PCDHGA7: variants seen among roughly 807,000 people sequenced by gnomAD.
The protein encoded by PCDHGA7 is protocadherin gamma-A7.
PCDHGA7 carries 44 observed loss-of-function variants against 58.3 expected under a neutral mutation model. The ratio of observed to expected loss-of-function variants is 0.75; its 90% CI spans 0.59 to 0.97. The LOEUF is 0.97. PCDHGA7 is among the 50% of genes least tolerant of loss of function. PCDHGA7 has a pLI of 0.00. For synonymous variants in PCDHGA7, 516 were observed against 504.2 expected, an observed-to-expected ratio of 1.02 and a Z score of -0.31; for missense variants, 1,266 against 1,188.7, an observed-to-expected ratio of 1.06 and a Z score of -0.96.
At chr5:141,390,867 CGT>C (rs61319619) in intron 1 of PCDHGA7, 8,912 of 150,888 alleles carry the variant, frequency 0.059, 387 homozygotes, top group African/African-American at 0.12. Context: ...GCTGTGTGTG[CGT>C]GTGTGTGTGT....
rs756706355 is a variant in PCDHGA7 at position 141,486,950 on chromosome 5, G to C, written c.2425-7857G>C. 6.2e-7 allele frequency: 1 copy of C among 1,614,202 alleles called. No homozygotes were observed. Among genetic ancestry groups the C allele is most frequent in the East Asian group, 2.2e-5 (1 of 44,876 alleles). On this transcript the variant is annotated intron_variant, in intron 1 of 3. Coordinates refer to ENST00000518325, the MANE Select transcript of PCDHGA7 (RefSeq NM_018920.4). The surrounding 1 kb of genome is among the most constrained non-coding windows in gnomAD (Gnocchi z 5.0). ...TGGTGCTGGCCACCTAATCACAAAG[G>C]TGACTGCTGTGGACTTGGATTCAGG...
At chr5:141,445,188 GTATTCTA>G (rs1223900471) in intron 1 of PCDHGA7, among the ~76,000 whole-genome samples, 1 of 152,080 alleles carries the variant, frequency 6.6e-6, no homozygotes, top group Non-Finnish European at 1.5e-5. Context: ...ATGTTTTTAT[GTATTCTA>G]TATGCTTTTG....
At chr5:141,500,086 A>G (rs1456179271) in intron 2 of PCDHGA7, among the ~76,000 whole-genome samples, 1 of 151,682 alleles carries the variant, frequency 6.6e-6, no homozygotes, top group Non-Finnish European at 1.5e-5. Flanking sequence ...TCCATCTTCC[A>G]TTTTTGCAAT....
rs180741728 is a variant in PCDHGA7 at position 141,505,088 on chromosome 5, G to A, written c.2484-305G>A. Among the ~76,000 whole-genome samples the A allele has an allele frequency of 3.7e-3, 563 of 152,300 alleles. 5 individuals carry two copies. Among genetic ancestry groups the A allele is most frequent in the Admixed American group, 0.011 (163 of 15,294 alleles). On this transcript the variant is annotated intron_variant, in intron 2 of 3. Coordinates refer to ENST00000518325, the MANE Select transcript of PCDHGA7 (RefSeq NM_018920.4). ...GAGGCAGGAGAATCGCTTGAACCCA[G>A]GAGGTGGATGTTGCAATGAGCCAAG...
chr5:141,422,785 T>C, intron 1 of PCDHGA7: 1 of 1,614,146 alleles, frequency 6.2e-7, no homozygotes, highest in Non-Finnish European at 8.5e-7. Flanking sequence ...TGCCCTACAA[T>C]CCTTCGACTA....
chr5:141,497,649 C>T (rs973501351), intron 2 of PCDHGA7, among the ~76,000 whole-genome samples: 1 of 151,784 alleles, frequency 6.6e-6, no homozygotes, highest in Non-Finnish European at 1.5e-5. Context: ...AAGCGATTCT[C>T]CTGCCTCAGC....
chr5:141,418,064 A>T, intron 1 of PCDHGA7: 1 of 1,614,006 alleles, frequency 6.2e-7, no homozygotes, highest in Non-Finnish European at 8.5e-7. Flanking sequence ...GCTGCGAGTG[A>T]GCGCGGAGAA....
chr5:141,405,037 G>C (rs756524085), intron 1 of PCDHGA7: 5 of 1,613,856 alleles, frequency 3.1e-6, no homozygotes, highest in Non-Finnish European at 4.2e-6. Flanking sequence ...ACCTCGTTGT[G>C]GCTGTGGCAG....
rs1414210927 is a variant in PCDHGA7, at chr5:141,477,460, C to G, written c.2425-17347C>G. 1.9e-6 allele frequency: 3 copies of G among 1,614,014 alleles called. No homozygotes were observed. The highest frequency in any genetic ancestry group is 2.5e-6 in the Non-Finnish European group (3 of 1,180,028). On this transcript the variant is annotated intron_variant, in intron 1 of 3. Transcript: ENST00000518325. The surrounding 1 kb of genome is among the most constrained non-coding windows in gnomAD (Gnocchi z 4.9). ...TTACAATAGTGCGTGTTCAAGTGTC[C>G]GACATCAATGACAACCCTCCACAAT...
At position 141,414,898 on chromosome 5, in the gene PCDHGA7, G is replaced by A. The variant is rs1369274783; in HGVS notation, c.2424+29575G>A. On this transcript the variant is annotated intron_variant, in intron 1 of 3. Coordinates refer to ENST00000518325, the MANE Select transcript of PCDHGA7 (RefSeq NM_018920.4). ...CCTGTACCCCGCCCTCCCCACAGAC[G>A]GTTCCACAGGCGTGGAGCTGGCGCC... is the stretch of plus-strand genomic sequence containing the variant. 2.5e-6 allele frequency: 4 copies of A among 1,614,190 alleles called. No individual in the cohort carries two copies. Among genetic ancestry groups the A allele is most frequent in the Admixed American group, 1.7e-5 (1 of 60,028 alleles).
chr5:141,452,533 A>G lies in PCDHGA7; in HGVS notation c.2425-42274A>G, dbSNP rs562306062. ...CACACTCCCTCAAAATCGTGAGTTC[A>G]TATTGATACCTCCAGTTCTGGTTCT... On this transcript the variant is annotated intron_variant, in intron 1 of 3. Transcript: ENST00000518325. Among the ~76,000 whole-genome samples the G allele has an allele frequency of 2.0e-5, 3 of 152,328 alleles. No individual in the cohort carries two copies. The East Asian group carries it at 5.8e-4, about 29-fold the overall frequency.
intron 1 of PCDHGA7, among the ~76,000 whole-genome samples, chr5:141,492,711 C>T (rs927567393): frequency 4.6e-5 from 7 of 152,254 alleles, no homozygotes; most frequent in East Asian, 3.8e-4. Flanking sequence ...AAGCCTCGAG[C>T]AGGCGGACAG....
At position 141,489,181 on chromosome 5, in the gene PCDHGA7, T is replaced by C; in HGVS notation, c.2425-5626T>C. The C allele has an allele frequency of 1.6e-6, 2 of 1,259,546 alleles. No homozygotes were observed. The highest frequency in any genetic ancestry group is 2.2e-6 in the Non-Finnish European group (2 of 905,040). The allele number at this position is 1,259,546 out of a possible 1,614,324, so 78.0% of individuals were successfully genotyped here. ...ACTTCAGCTGCTGCATTCCAAGCCC[T>C]GGGTCTACCTTGGAGACAGGACAGC... On this transcript the variant is annotated intron_variant, in intron 1 of 3. Transcript: ENST00000518325. This position sits in a 1 kb window ranked among gnomAD's most constrained non-coding sequence, Gnocchi z 4.5.
At chr5:141,484,707 G>C (rs1288663675) in intron 1 of PCDHGA7, among the ~76,000 whole-genome samples, 1 of 151,802 alleles carries the variant, frequency 6.6e-6, no homozygotes. Flanking sequence ...TGTTTTCCCC[G>C]CCGAAAAGGG....
intron 1 of PCDHGA7, among the ~76,000 whole-genome samples, chr5:141,401,891 T>C (rs1196463391): frequency 6.6e-6 from 1 of 152,200 alleles, no homozygotes; most frequent in Non-Finnish European, 1.5e-5. Context: ...TTTTGTGTTC[T>C]TTTTCCCAAA....
At position 141,490,479 on chromosome 5, in the gene PCDHGA7, C is replaced by T; in HGVS notation, c.2425-4328C>T. 11 of 1,614,216 alleles carry T rather than the reference C, an allele frequency of 6.8e-6. No homozygotes were observed. Among genetic ancestry groups the T allele is most frequent in the Non-Finnish European group, 9.3e-6 (11 of 1,180,032 alleles). ...CGCTGCTAACCAGCCAGCCTTTGGACCGGGAGGCCACATCCCACTATATCA... is the reference window on the plus strand; with the variant it reads ...CGCTGCTAACCAGCCAGCCTTTGGATCGGGAGGCCACATCCCACTATATCA... On this transcript the variant is annotated intron_variant, in intron 1 of 3. Coordinates refer to ENST00000518325, the MANE Select transcript of PCDHGA7 (RefSeq NM_018920.4). This position sits in a 1 kb window ranked among gnomAD's most constrained non-coding sequence, Gnocchi z 5.4.
intron 1 of PCDHGA7, chr5:141,403,849 G>C (rs1422192604): frequency 6.2e-7 from 1 of 1,613,560 alleles, no homozygotes; most frequent in South Asian, 1.1e-5. Context: ...AAAATACTGG[G>C]GAAATATCAA....
intron 1 of PCDHGA7, chr5:141,411,753 A>G (rs1006054735): frequency 6.5e-5 from 10 of 152,756 alleles, no homozygotes; most frequent in African/African-American, 2.4e-4. Context: ...GTGGTGGCAC[A>G]TGCCTGTGGT....
In PCDHGA7 at chr5:141,383,700, C is replaced by T. The variant is rs753632881; in HGVS notation, c.801C>T (p.Ile267=). ...VGTRLLTVHA[I]DLDEGVNGEV... is the part of the protein sequence containing the mutation. ...CAAGACTGCTCACGGTACATGCTAT[C>T]GACCTGGACGAGGGAGTCAATGGGG... The change falls in exon 1 of 4, where the codon ATC becomes ATT. Residue 267 remains isoleucine (I), a synonymous_variant. Transcript: ENST00000518325. The T allele has an allele frequency of 6.2e-7, 1 of 1,613,936 alleles. No homozygotes were observed. Among genetic ancestry groups the T allele is most frequent in the East Asian group, 2.2e-5 (1 of 44,888 alleles).
Sources: gnomAD v4.1 joint callset for allele counts (sites outside exome capture counted in the v4.1 genomes callset) on GRCh38, gnomAD v4.1.1 for gene constraint, Gnocchi (gnomAD v3.1) non-coding constraint, MANE v1.5 for transcripts, NCBI Gene and HGNC (gene_info 2026-07-23, HGNC 2026-07-21) for gene names.